Variants in DNAAF11 observed in about 807,000 individuals in gnomAD.
DNAAF11 encodes leucine rich repeat containing 6.
A neutral mutation model predicts 60.8 loss-of-function variants in DNAAF11; 45 were observed. The ratio of observed to expected loss-of-function variants is 0.74; its 90% CI spans 0.58 to 0.95. DNAAF11 has a LOEUF of 0.95. Among genes scored for constraint, DNAAF11 ranks in the 40% least tolerant of loss-of-function variants. The pLI is 0.00. For synonymous variants in DNAAF11, 191 were observed against 183.5 expected (o/e 1.04, Z -0.33); for missense variants, 546 against 546.2 (o/e 1.00, Z 0.00).
chr8:132,644,279 A>G (rs915817304), intron 3 of DNAAF11, among the ~76,000 whole-genome samples: 3 of 152,320 alleles, frequency 2.0e-5, no homozygotes, highest in African/African-American at 7.2e-5. Flanking sequence ...ATCTGCTCAG[A>G]ACAGTTATAT....
rs1292592640 is a variant in DNAAF11, at chr8:132,661,357, G to T, written c.178+103C>A. ...ATGGCTGTGTCTGTTTTCCCATGGA[G>T]TTTTTTTTTCAGTGATTGTCTTCTA... On this transcript the variant is annotated intron_variant, in intron 2 of 11. Transcript: ENST00000620350. The T allele has an allele frequency of 5.4e-6, 5 of 933,308 alleles. No individual in the cohort carries two copies. In the Admixed American group the frequency reaches 1.2e-4, roughly 22 times the overall value. 57.8% of individuals were successfully genotyped at this position (933,308 alleles called of 1,614,324 possible). A position where few individuals can be genotyped will look rare whatever the true frequency, so the allele number is the denominator to read the frequency against.
intron 10 of DNAAF11, among the ~76,000 whole-genome samples, chr8:132,594,646 G>C (rs1373686997): frequency 6.6e-6 from 1 of 152,020 alleles, no homozygotes; most frequent in Non-Finnish European, 1.5e-5. Flanking sequence ...TCATAGTGAG[G>C]GAGTTCTCAG....
chr8:132,693,273 T>C, the DNAAF11 span, among the ~76,000 whole-genome samples: 18 of 151,928 alleles, frequency 1.2e-4, no homozygotes, highest in Admixed American at 1.0e-3. Flanking sequence ...AACGGAAAAA[T>C]GGAGGGAGAA....
intron 10 of DNAAF11, among the ~76,000 whole-genome samples, chr8:132,595,347 GGAAAAAAAAAAAAAAAAA>G (rs1168358024): frequency 2.5e-5 from 1 of 40,680 alleles, no homozygotes; most frequent in Non-Finnish European, 4.7e-5. Flanking sequence ...GAGACAGAGG[GGAAAAAAAAAAAAAAAAA>G]AAAAAAAAAA....
At chr8:132,578,586 T>C in intron 11 of DNAAF11, 2 of 870,132 alleles carry the variant, frequency 2.3e-6, no homozygotes, top group Non-Finnish European at 3.6e-6. Context: ...CTAAAATTAA[T>C]CACTAAGTGC....
At position 132,632,769 on chromosome 8, in the gene DNAAF11, T is replaced by A. The variant is rs1471732048; in HGVS notation, c.624A>T (p.Gly208=). 1.2e-6 allele frequency: 2 copies of A among 1,612,474 alleles called. No individual in the cohort carries two copies. Among genetic ancestry groups the A allele is most frequent in the South Asian group, 2.2e-5 (2 of 91,040 alleles). ...TAGCATTGATGTCTGTGTACCAACGTCCATCAAAGCCTGCGTTACTTCTCT... is the reference window on the plus strand; with the variant it reads ...TAGCATTGATGTCTGTGTACCAACGACCATCAAAGCCTGCGTTACTTCTCT... The part of the protein sequence containing the change: ...EDKRSNAGFD[G]RWYTDINATL... Residue 208 remains glycine (G), a synonymous_variant, in exon 5 of 12, where the codon GGA becomes GGT. Transcript: ENST00000620350.
At chr8:132,685,922 A>G in the DNAAF11 span, among the ~76,000 whole-genome samples, 1 of 152,122 alleles carries the variant, frequency 6.6e-6, no homozygotes, top group Non-Finnish European at 1.5e-5. Context: ...TTCCCCAGCA[A>G]ATAGTATTGA....
the DNAAF11 span, among the ~76,000 whole-genome samples, chr8:132,688,252 A>G: frequency 2.0e-5 from 3 of 152,146 alleles, no homozygotes; most frequent in Non-Finnish European, 4.4e-5. Context: ...CACACTTTAG[A>G]TATTACCCAA....
chr8:132,686,433 G>T, the DNAAF11 span, among the ~76,000 whole-genome samples: 1 of 152,116 alleles, frequency 6.6e-6, no homozygotes, highest in Non-Finnish European at 1.5e-5. Context: ...GTTTAGAGAT[G>T]ATTTGTTCTC....
chr8:132,669,940 C>CAAAAAAAAAAAAAAAAAA (rs35402875), intron 1 of DNAAF11, among the ~76,000 whole-genome samples: 1 of 69,786 alleles, frequency 1.4e-5, no homozygotes, highest in Non-Finnish European at 3.3e-5. Context: ...GACTCCGTCT[C>CAAAAAAAAAAAAAAAAAA]AAAAAAAAAA....
the DNAAF11 span, among the ~76,000 whole-genome samples, chr8:132,696,737 CAAGAACTTGAA>C: frequency 1.2e-4 from 19 of 152,224 alleles, no homozygotes; most frequent in Admixed American, 3.3e-4. Flanking sequence ...ATGTATTTTG[CAAGAACTTGAA>C]TGGAGCTGGA....
At chr8:132,631,843 C>T (rs567382756) in intron 5 of DNAAF11, among the ~76,000 whole-genome samples, 37 of 151,934 alleles carry the variant, frequency 2.4e-4, no homozygotes, top group African/African-American at 8.9e-4. Context: ...GGAAGGGGAA[C>T]ATCACACACC....
chr8:132,593,672 A>T (rs940771725), intron 10 of DNAAF11, among the ~76,000 whole-genome samples: 1 of 152,048 alleles, frequency 6.6e-6, no homozygotes, highest in African/African-American at 2.4e-5. Flanking sequence ...TTATAAAGCT[A>T]AAATTATTAG....
chr8:132,674,683 G>C (rs1480620014), intron 1 of DNAAF11, among the ~76,000 whole-genome samples: 1 of 152,336 alleles, frequency 6.6e-6, no homozygotes, highest in South Asian at 2.1e-4. Flanking sequence ...GAGGTCAGGA[G>C]TTCGAGACCA....
the DNAAF11 span, among the ~76,000 whole-genome samples, chr8:132,702,412 T>C: frequency 1.3e-4 from 20 of 152,302 alleles, no homozygotes; most frequent in Non-Finnish European, 2.1e-4. Context: ...CTAACTTGTG[T>C]TAAATATTGG....
chr8:132,658,584 G>A (rs541104097), intron 2 of DNAAF11, among the ~76,000 whole-genome samples: 1 of 152,314 alleles, frequency 6.6e-6, no homozygotes, highest in African/African-American at 2.4e-5. Flanking sequence ...GCCTCCCAAA[G>A]TGTTGGGATT....
At chr8:132,690,248 C>T in the DNAAF11 span, among the ~76,000 whole-genome samples, 1 of 152,054 alleles carries the variant, frequency 6.6e-6, no homozygotes, top group Non-Finnish European at 1.5e-5. Context: ...TTGTAATCCC[C>T]ACATGTCGAG....
intron 11 of DNAAF11, among the ~76,000 whole-genome samples, chr8:132,574,368 G>A (rs183454383): frequency 1.7e-4 from 26 of 152,314 alleles, no homozygotes; most frequent in African/African-American, 6.0e-4. Context: ...GCCTTGCAAT[G>A]TGTGCAGTCA....
In DNAAF11 at chr8:132,611,314, G is replaced by A. The variant is rs150975285; in HGVS notation, c.1024C>T (p.Arg342Ter). ...IDVDVQPTYV[R>*]VMIKGKPFQL... ...CTTACCTTTCCTTTGATCATTACTC[G>A]CACGTAAGTTGGTTGCACATCAACA... Residue 342 changes from arginine (R) to a stop codon, truncating the protein, a stop_gained, in exon 9 of 12, where the codon CGA (arginine) becomes TGA (stop). Transcript: ENST00000620350. LOFTEE classifies it high-confidence loss of function. The A allele has an allele frequency of 1.6e-5, 25 of 1,611,238 alleles. No individual in the cohort carries two copies. Among genetic ancestry groups the A allele is most frequent in the South Asian group, 2.2e-5 (2 of 90,980 alleles).
Sources: allele counts gnomAD v4.1 joint callset (sites outside exome capture counted in the v4.1 genomes callset), GRCh38; gene constraint gnomAD v4.1.1; transcripts MANE v1.5; gene names NCBI Gene and HGNC (gene_info 2026-07-23, HGNC 2026-07-21).